The following SLIT2 variants were observed in gnomAD, a reference collection of about 807,000 sequenced individuals.
The protein encoded by SLIT2 is slit guidance ligand 2.
Under a neutral mutation model 185.7 loss-of-function variants are expected in SLIT2, and 41 were observed. The observed-to-expected ratio is 0.22, with a 90% confidence interval of 0.17 to 0.29. The LOEUF (loss-of-function observed/expected upper bound fraction) is 0.29, where lower values mean the gene tolerates loss of function less well. SLIT2 is among the 10% of genes least tolerant of loss of function. The pLI is 1.00. For missense variants in SLIT2, 1,571 were observed against 1,909.0 expected, an observed-to-expected ratio of 0.82 and a Z score of 3.30; for synonymous variants, 693 against 680.2, an observed-to-expected ratio of 1.02 and a Z score of -0.29.
In SLIT2 at chr4:20,254,060, GAACCTGTCAGCT is replaced by G; in HGVS notation, c.179+67_179+78del. 1.3e-6 allele frequency: 2 copies of G among 1,502,028 alleles called. No individual in the cohort carries two copies. The highest frequency in any genetic ancestry group is 1.8e-6 in the Non-Finnish European group (2 of 1,105,250). The allele number at this position is 1,502,028 out of a possible 1,614,324, so 93.0% of individuals were successfully genotyped here. A position where few individuals can be genotyped will look rare whatever the true frequency, so the allele number is the denominator to read the frequency against. ...CCGCGCACCCCTGCCTCCACTGGAG[GAACCTGTCAGCT>G]CAGGGTCCTGTGCCTGGGGCAGCCC... is the stretch of plus-strand genomic sequence containing the variant. On this transcript the variant is annotated intron_variant, in intron 1 of 36. Transcript: ENST00000504154. The surrounding 1 kb of genome is among the most constrained non-coding windows in gnomAD (Gnocchi z 5.1).
intron 4 of SLIT2, among the ~76,000 whole-genome samples, chr4:20,324,695 A>G (rs1460299854): frequency 6.6e-6 from 1 of 152,172 alleles, no homozygotes; most frequent in Non-Finnish European, 1.5e-5. Flanking sequence ...GCTAAATTTA[A>G]CCATTCCATA....
chr4:20,454,729 C>T (rs1174894228), intron 4 of SLIT2, among the ~76,000 whole-genome samples: 5 of 152,262 alleles, frequency 3.3e-5, no homozygotes, highest in East Asian at 1.9e-4. Context: ...TCCATTTTTA[C>T]ATGATATAGG....
rs746881743 is a variant in SLIT2 at position 20,542,559 on chromosome 4, G to A, written c.2209G>A (p.Val737Ile). ...CPTECTCLDT[V>I]VRCSNKGLKV... ...TACTGAATGTACTTGCTTGGATACA[G>A]TCGTCCGATGTAGCAACAAGGGTTT... The change falls in exon 21 of 37, where the codon GTC (valine) becomes ATC (isoleucine). Residue 737 changes from valine to isoleucine, a missense_variant. This residue lies in a region of SLIT2 where 1,202 missense variants were observed against 1,416.4 expected (regional missense o/e 0.85). Coordinates refer to ENST00000504154, the MANE Select transcript of SLIT2 (RefSeq NM_004787.4). The A allele has an allele frequency of 6.2e-7, 1 of 1,613,736 alleles. No individual in the cohort carries two copies. Among genetic ancestry groups the A allele is most frequent in the Non-Finnish European group, 8.5e-7 (1 of 1,179,820 alleles).
rs766046800 is a variant in SLIT2, at chr4:20,549,158, CTT to C, written c.2489+33_2489+34del. ...GCATCTTGTGTTCAACAGAATATCTCTTTTCTCAGAGATCTGAGTTTGGGGTT... is the reference window on the plus strand; with the variant it reads ...GCATCTTGTGTTCAACAGAATATCTCTTCTCAGAGATCTGAGTTTGGGGTT... On this transcript the variant is annotated intron_variant, in intron 24 of 36. Coordinates refer to ENST00000504154, the MANE Select transcript of SLIT2 (RefSeq NM_004787.4). 14 of 1,359,602 alleles carry C rather than the reference CTT, an allele frequency of 1.0e-5. No individual in the cohort carries two copies. In the South Asian group the frequency reaches 1.7e-4, roughly 16 times the overall value. The allele number at this position is 1,359,602 out of a possible 1,614,324, so 84.2% of individuals were successfully genotyped here. A position where few individuals can be genotyped will look rare whatever the true frequency, so the allele number is the denominator to read the frequency against.
chr4:20,477,013 G>A (rs1019143108), intron 5 of SLIT2, among the ~76,000 whole-genome samples: 3 of 151,868 alleles, frequency 2.0e-5, no homozygotes, highest in Non-Finnish European at 4.4e-5. Flanking sequence ...CTTTTTGCAC[G>A]TGAGGCATAC....
At chr4:20,405,152 G>C (rs1394467980) in intron 4 of SLIT2, among the ~76,000 whole-genome samples, 1 of 151,768 alleles carries the variant, frequency 6.6e-6, no homozygotes, top group African/African-American at 2.4e-5. Context: ...TGGCAGTTGT[G>C]ATGCATAATA....
intron 8 of SLIT2, among the ~76,000 whole-genome samples, chr4:20,491,312 G>A (rs1214071626): frequency 6.6e-6 from 1 of 152,080 alleles, no homozygotes; most frequent in African/African-American, 2.4e-5. Flanking sequence ...ATTATCTTCT[G>A]ATGGAAGTAC....
chr4:20,291,447 CATATATATATATATATATATATATATAT>C (rs1175907591), intron 4 of SLIT2, among the ~76,000 whole-genome samples: 13 of 50,260 alleles, frequency 2.6e-4, no homozygotes, highest in Admixed American at 6.0e-4. Flanking sequence ...TAAGAAACCT[CATATATATATATATATATATATATATAT>C]ATATATATAT....
chr4:20,420,159 C>G (rs1728059200), intron 4 of SLIT2, among the ~76,000 whole-genome samples: 1 of 152,156 alleles, frequency 6.6e-6, no homozygotes, highest in South Asian at 2.1e-4. Context: ...CCGAACACAA[C>G]TCCACTTTTC....
chr4:20,474,259 C>CAT (rs929616734), intron 5 of SLIT2, among the ~76,000 whole-genome samples: 1 of 151,898 alleles, frequency 6.6e-6, no homozygotes, highest in African/African-American at 2.4e-5. Flanking sequence ...CTCAGGCATT[C>CAT]ATATATATAA....
intron 3 of SLIT2, among the ~76,000 whole-genome samples, chr4:20,259,968 C>G (rs1382597255): frequency 1.3e-5 from 2 of 151,770 alleles, no homozygotes; most frequent in African/African-American, 4.8e-5. Flanking sequence ...TCCTTGGACT[C>G]TGGAATTCAA....
chr4:20,331,176 A>G (rs1344589667), intron 4 of SLIT2, among the ~76,000 whole-genome samples: 3 of 152,158 alleles, frequency 2.0e-5, no homozygotes, highest in Non-Finnish European at 4.4e-5. Context: ...TTGAATTTTC[A>G]GTAAATTTCA....
At chr4:20,332,438 G>A (rs1720147087) in intron 4 of SLIT2, among the ~76,000 whole-genome samples, 1 of 152,132 alleles carries the variant, frequency 6.6e-6, no homozygotes, top group Admixed American at 6.6e-5. Flanking sequence ...GCCAGGTGCG[G>A]TGGCTCACGC....
At chr4:20,610,795 CAA>C in intron 34 of SLIT2, among the ~76,000 whole-genome samples, 1 of 152,144 alleles carries the variant, frequency 6.6e-6, no homozygotes, top group South Asian at 2.1e-4. Flanking sequence ...GGTGAATGAA[CAA>C]GAGAGAGGGT....
chr4:20,399,704 A>G (rs969380391), intron 4 of SLIT2, among the ~76,000 whole-genome samples: 17 of 151,776 alleles, frequency 1.1e-4, no homozygotes, highest in African/African-American at 4.1e-4. Flanking sequence ...GTTATATCAA[A>G]CAATTAATTG....
chr4:20,608,545 TA>T (rs1299046341), intron 33 of SLIT2, among the ~76,000 whole-genome samples: 3 of 152,200 alleles, frequency 2.0e-5, no homozygotes, highest in African/African-American at 4.8e-5. Flanking sequence ...CATTTAGTTT[TA>T]TAAAGTTGTT....
chr4:20,512,157 G>A (rs573454962), intron 11 of SLIT2, among the ~76,000 whole-genome samples: 6 of 152,082 alleles, frequency 3.9e-5, no homozygotes, highest in Admixed American at 1.3e-4. Flanking sequence ...ACTCAGAGAA[G>A]GGTTCTTATT....
chr4:20,376,635 T>C (rs1314503802), intron 4 of SLIT2, among the ~76,000 whole-genome samples: 1 of 152,122 alleles, frequency 6.6e-6, no homozygotes, highest in Non-Finnish European at 1.5e-5. Context: ...TCTTTACATA[T>C]GCATCTTCTT....
chr4:20,343,329 T>C (rs1006534386), intron 4 of SLIT2, among the ~76,000 whole-genome samples: 6 of 152,194 alleles, frequency 3.9e-5, no homozygotes, highest in Non-Finnish European at 7.3e-5. Flanking sequence ...GTATTTTCTT[T>C]ATCCCTGGCT....
Sources: allele counts gnomAD v4.1 joint callset (sites outside exome capture counted in the v4.1 genomes callset), GRCh38; gene constraint gnomAD v4.1.1; regional missense constraint gnomAD v4.1.1; non-coding constraint Gnocchi (gnomAD v3.1); transcripts MANE v1.5; gene names NCBI Gene and HGNC (gene_info 2026-07-23, HGNC 2026-07-21).